Variants in CELF4 observed in about 807,000 individuals in gnomAD.
CELF4 encodes CUGBP Elav-like family member 4.
Under a neutral mutation model 59.9 loss-of-function variants are expected in CELF4, and 18 were observed. That is an observed-to-expected ratio of 0.30 (90% CI 0.21 to 0.45). CELF4 has a LOEUF of 0.45. Among genes scored for constraint, CELF4 ranks in the 20% least tolerant of loss-of-function variants. The pLI is 1.00. For synonymous variants in CELF4, 261 were observed against 267.1 expected (o/e 0.98, Z 0.22); for missense variants, 456 against 689.0 (o/e 0.66, Z 3.79).
intron 2 of CELF4, among the ~76,000 whole-genome samples, chr18:37,364,862 G>T (rs1447730354): frequency 6.6e-6 from 1 of 152,192 alleles, no homozygotes; most frequent in South Asian, 2.1e-4. Flanking sequence ...ACTGGAAGGA[G>T]GGTCAGGGAA....
chr18:37,419,192 A>G (rs2099553048), intron 2 of CELF4, among the ~76,000 whole-genome samples: 1 of 152,216 alleles, frequency 6.6e-6, no homozygotes, highest in African/African-American at 2.4e-5. Context: ...ACTGATTGTT[A>G]TTCAATATCG....
intron 2 of CELF4, among the ~76,000 whole-genome samples, chr18:37,412,094 A>G (rs929956307): frequency 1.3e-5 from 2 of 152,208 alleles, no homozygotes; most frequent in Non-Finnish European, 1.5e-5. Context: ...AAGACCTCTG[A>G]GTCAGCCGTC....
intron 2 of CELF4, among the ~76,000 whole-genome samples, chr18:37,360,809 GACACGCCCATT>G (rs2098691931): frequency 6.6e-6 from 1 of 152,216 alleles, no homozygotes; most frequent in Admixed American, 6.5e-5. Flanking sequence ...TTTGTAGCCA[GACACGCCCATT>G]ACTGAATCTC....
chr18:37,438,506 C>T (rs2099700888), intron 2 of CELF4, among the ~76,000 whole-genome samples: 1 of 152,116 alleles, frequency 6.6e-6, no homozygotes, highest in South Asian at 2.1e-4. Flanking sequence ...GGCTGGCACC[C>T]TACCTCTCAA....
At chr18:37,351,950 T>C (rs866343871) in intron 2 of CELF4, among the ~76,000 whole-genome samples, 3 of 152,132 alleles carry the variant, frequency 2.0e-5, no homozygotes, top group Non-Finnish European at 4.4e-5. Context: ...TATTTTTCAC[T>C]ACTCAGGGGA....
intron 2 of CELF4, among the ~76,000 whole-genome samples, chr18:37,343,807 G>T (rs1253380226): frequency 6.6e-6 from 1 of 152,032 alleles, no homozygotes; most frequent in Non-Finnish European, 1.5e-5. Flanking sequence ...CACATGTGCT[G>T]CAGCAGACCC....
At chr18:37,414,508 T>TTTC (rs1340252013) in intron 2 of CELF4, among the ~76,000 whole-genome samples, 2 of 143,938 alleles carry the variant, frequency 1.4e-5, no homozygotes, top group Non-Finnish European at 3.0e-5. Context: ...CTTTTCTTTT[T>TTTC]TTTTTTTTTT....
At chr18:37,334,546 C>T (rs1157794330) in intron 2 of CELF4, among the ~76,000 whole-genome samples, 2 of 152,104 alleles carry the variant, frequency 1.3e-5, no homozygotes, top group Admixed American at 6.5e-5. Flanking sequence ...TTGTGGCCAC[C>T]GGCGGCTGGA....
intron 2 of CELF4, among the ~76,000 whole-genome samples, chr18:37,414,011 C>G (rs2099499813): frequency 6.6e-6 from 1 of 152,218 alleles, no homozygotes; most frequent in South Asian, 2.1e-4. Flanking sequence ...CCAACCCAGT[C>G]TGATCACCAT....
chr18:37,314,836 G>A (rs1056428234), intron 3 of CELF4, among the ~76,000 whole-genome samples: 2 of 152,102 alleles, frequency 1.3e-5, no homozygotes, highest in African/African-American at 4.8e-5. Flanking sequence ...TTGCTGATCT[G>A]CCCTGGGCCT....
intron 3 of CELF4, among the ~76,000 whole-genome samples, chr18:37,279,748 T>C (rs1037364827): frequency 1.3e-5 from 2 of 152,164 alleles, no homozygotes; most frequent in African/African-American, 4.8e-5. Context: ...TCCCTGCACC[T>C]GGAAGAACAA....
At chr18:37,557,871 C>A (rs2099985267) in intron 1 of CELF4, among the ~76,000 whole-genome samples, 1 of 152,114 alleles carries the variant, frequency 6.6e-6, no homozygotes, top group South Asian at 2.1e-4. Flanking sequence ...GGGAATCACC[C>A]TGTTTGAAAT....
chr18:37,303,138 C>T (rs1369558323), intron 3 of CELF4, among the ~76,000 whole-genome samples: 1 of 152,078 alleles, frequency 6.6e-6, no homozygotes, highest in Non-Finnish European at 1.5e-5. Flanking sequence ...TCATTTGAAC[C>T]CCCTGGGTGA....
intron 4 of CELF4, 21 bp downstream of exon 4, chr18:37,275,094 T>TCCCGG (rs1292699641): frequency 6.2e-7 from 1 of 1,610,488 alleles, no homozygotes; most frequent in Non-Finnish European, 8.5e-7. Flanking sequence ...GGGGCATCCC[T>TCCCGG]CCCGGCCCCG....
At chr18:37,465,130 G>A (rs1254881046) in intron 2 of CELF4, among the ~76,000 whole-genome samples, 1 of 152,176 alleles carries the variant, frequency 6.6e-6, no homozygotes, top group Non-Finnish European at 1.5e-5. Flanking sequence ...TTGGGGAGAT[G>A]CCTTAGGAAA....
At chr18:37,476,428 TA>T (rs1022727797) in intron 2 of CELF4, among the ~76,000 whole-genome samples, 3 of 152,006 alleles carry the variant, frequency 2.0e-5, no homozygotes, top group East Asian at 3.9e-4. Context: ...TGCCTTTGAT[TA>T]AAAAAAAGGG....
At chr18:37,503,377 G>A (rs747448983) in intron 1 of CELF4, among the ~76,000 whole-genome samples, 1 of 152,214 alleles carries the variant, frequency 6.6e-6, no homozygotes, top group Non-Finnish European at 1.5e-5. Context: ...CTCCTGGCCC[G>A]TGGCTGGCAC....
rs189598019 is a variant in CELF4, at chr18:37,476,398, T to C, written c.369+9127A>G. On this transcript the variant is annotated intron_variant, in intron 2 of 12. Coordinates refer to ENST00000420428, the MANE Select transcript of CELF4 (RefSeq NM_020180.4). ...ACCCACATGGCGCCCCCTGGTGGGC[T>C]CATGGGAACATACCACAAATGCCTT... is the stretch of plus-strand genomic sequence containing the variant. Among the ~76,000 whole-genome samples, 42 of 152,324 alleles carry C rather than the reference T, an allele frequency of 2.8e-4. 1 individual carries two copies. Among genetic ancestry groups the C allele is most frequent in the Admixed American group, 2.7e-3 (42 of 15,306 alleles).
rs1453411668 is a variant in CELF4 at position 37,361,875 on chromosome 18, T to A, written c.370-39994A>T. On this transcript the variant is annotated intron_variant, in intron 2 of 12. Transcript: ENST00000420428. ...AGGCATTAGGGAGGGGGGCGGGGGA[T>A]TCCTTCCCAGCGCTTGAGAGCACCG... Among the ~76,000 whole-genome samples, 4 of 144,562 alleles carry A rather than the reference T, an allele frequency of 2.8e-5. No individual in the cohort carries two copies. The East Asian group carries it at 9.1e-4, about 33-fold the overall frequency. The allele number at this position is 144,562 out of a possible 152,430, so 94.8% of individuals were successfully genotyped here.
Sources: allele counts gnomAD v4.1 joint callset (sites outside exome capture counted in the v4.1 genomes callset), GRCh38; gene constraint gnomAD v4.1.1; transcripts MANE v1.5; gene names NCBI Gene and HGNC (gene_info 2026-07-23, HGNC 2026-07-21).